N4BP2L2: variants seen among roughly 807,000 people sequenced by gnomAD.
N4BP2L2 encodes NEDD4 binding protein 2 like 2.
In N4BP2L2, 50 loss-of-function variants were observed where a neutral mutation model predicts 56.2. That is an observed-to-expected ratio of 0.89 (90% confidence interval 0.71 to 1.13). The LOEUF is 1.13. Among genes scored for constraint, N4BP2L2 ranks in the 50% most tolerant of loss-of-function variants. The probability of loss-of-function intolerance (pLI) is 0.00; values close to 1 mark genes in which losing one functional copy is unlikely to be tolerated. For missense variants in N4BP2L2, 689 were observed against 693.8 expected, an observed-to-expected ratio of 0.99 and a Z score of 0.08; for synonymous variants, 203 against 223.6, an observed-to-expected ratio of 0.91 and a Z score of 0.82.
chr13:32,472,148 G>A (rs144395230), intron 6 of N4BP2L2, among the ~76,000 whole-genome samples: 166 of 152,248 alleles, frequency 1.1e-3, no homozygotes, highest in Non-Finnish European at 1.8e-3. Flanking sequence ...ACATCGTAAA[G>A]AGCGGATTAA....
rs1382250355 is a variant in N4BP2L2 at position 32,477,235 on chromosome 13, GCT to G, written c.366-33111_366-33110del. 20 of 356,496 alleles carry G rather than the reference GCT, an allele frequency of 5.6e-5. No individual in the cohort carries two copies. The Admixed American group carries it at 6.9e-4, about 12-fold the overall frequency. The allele number at this position is 356,496 out of a possible 1,614,324, so 22.1% of individuals were successfully genotyped here. A position where few individuals can be genotyped will look rare whatever the true frequency, so the allele number is the denominator to read the frequency against. Reference sequence around the variant, plus strand: ...ATGCCCTGGCTATGAACTATGCAAGGCTTACAAGGGCTAAAAGGCTGCACCAT... The same window carrying G: ...ATGCCCTGGCTATGAACTATGCAAGGTACAAGGGCTAAAAGGCTGCACCAT... On this transcript the variant is annotated intron_variant, in intron 6 of 9. Transcript: ENST00000357505.
exon 2 of N4BP2L2, chr13:32,536,968 C>T: frequency 6.2e-7 from 1 of 1,612,216 alleles, no homozygotes; most frequent in Non-Finnish European, 8.5e-7. Context: ...TACAGCGTGG[C>T]TCACTCGTTA....
chr13:32,436,697 G>C (rs1223766284), intron 8 of N4BP2L2, among the ~76,000 whole-genome samples: 1 of 147,062 alleles, frequency 6.8e-6, no homozygotes, highest in African/African-American at 2.5e-5. Flanking sequence ...GGCTGAGGCA[G>C]GAGAATCACC....
chr13:32,515,356 T>G (rs925155009), exon 6 of N4BP2L2: 1 of 152,152 alleles, frequency 6.6e-6, no homozygotes, highest in African/African-American at 2.4e-5. Flanking sequence ...AAGGAGGACC[T>G]CTTGAGCCTA....
At chr13:32,509,821 T>C (rs1024744567), downstream of N4BP2L2, among the ~76,000 whole-genome samples, 2 of 152,164 alleles carry the variant, frequency 1.3e-5, no homozygotes, top group East Asian at 3.8e-4. Context: ...AACTTTTCTA[T>C]TCTAAACAAA....
intron 3 of N4BP2L2, chr13:32,522,831 C>T (rs964706100): frequency 3.9e-5 from 6 of 151,904 alleles, no homozygotes; most frequent in South Asian, 4.2e-4. Flanking sequence ...GGAAAGTTAC[C>T]GCAGATGATT....
At chr13:32,443,905 A>G in exon 7 of N4BP2L2, 1 of 1,573,700 alleles carries the variant, frequency 6.4e-7, no homozygotes, top group Non-Finnish European at 8.6e-7. Context: ...TTCATTTTGT[A>G]GACCATCAAT....
chr13:32,533,008 A>G (rs2055397250), intron 2 of N4BP2L2, among the ~76,000 whole-genome samples: 1 of 151,980 alleles, frequency 6.6e-6, no homozygotes, highest in African/African-American at 2.4e-5. Flanking sequence ...TACAGGTGTA[A>G]GCCACCACAC....
chr13:32,493,578 G>A (rs1037884993), intron 6 of N4BP2L2, among the ~76,000 whole-genome samples: 2 of 151,796 alleles, frequency 1.3e-5, no homozygotes, highest in East Asian at 1.9e-4. Flanking sequence ...GAGTCCCCCC[G>A]CCCCTCAAGA....
chr13:32,499,290 T>C (rs1472410791), intron 6 of N4BP2L2, among the ~76,000 whole-genome samples: 12 of 152,194 alleles, frequency 7.9e-5, no homozygotes, highest in Admixed American at 7.9e-4. Flanking sequence ...ATTTTACTAC[T>C]TCTTCTCACT....
At position 32,538,604 on chromosome 13, in the gene N4BP2L2, G is replaced by T; in HGVS notation, c.-1+14C>A. The T allele has an allele frequency of 1.0e-6, 1 of 984,884 alleles. No individual in the cohort carries two copies. The highest frequency in any genetic ancestry group is 1.2e-6 in the Non-Finnish European group (1 of 829,502). The allele number at this position is 984,884 out of a possible 1,614,324, so 61.0% of individuals were successfully genotyped here. A position where few individuals can be genotyped will look rare whatever the true frequency, so the allele number is the denominator to read the frequency against. ...CACCGCCCCACCCTCACCTAAAACG[G>T]GGTGTCTACTCACCTTACTCTACCC... On this transcript the variant is annotated intron_variant, in intron 1 of 5. Transcript: ENST00000267068.
At chr13:32,471,137 G>T (rs1387342928) in intron 6 of N4BP2L2, among the ~76,000 whole-genome samples, 1 of 152,168 alleles carries the variant, frequency 6.6e-6, no homozygotes, top group East Asian at 1.9e-4. Flanking sequence ...TAACGGGCCT[G>T]TGTGTCCAGA....
intron 6 of N4BP2L2, among the ~76,000 whole-genome samples, chr13:32,496,628 C>G (rs1216630694): frequency 6.6e-6 from 1 of 152,168 alleles, no homozygotes; most frequent in African/African-American, 2.4e-5. Flanking sequence ...ATCATGCTGA[C>G]TGCTGGAATA....
intron 2 of N4BP2L2, among the ~76,000 whole-genome samples, chr13:32,533,150 A>G (rs150267845): frequency 5.0e-4 from 76 of 152,304 alleles, no homozygotes; most frequent in African/African-American, 1.7e-3. Context: ...TGTCCTTGTT[A>G]TAGTTACATA....
Position 32,444,091 on chromosome 13 carries a change from C to G in N4BP2L2, c.401G>C (p.Ser134Thr), listed in dbSNP as rs199508772. 2.4e-5 allele frequency: 38 copies of G among 1,563,884 alleles called. No individual in the cohort carries two copies. In the African/African-American group the frequency reaches 4.6e-4, roughly 19 times the overall value. Reference sequence around the variant, plus strand: ...TCTGTTCCTCTTCTGTTTGGTTTTGCTGAGCCTATGCCCAGTTTTCTTCAA... The same window carrying G: ...TCTGTTCCTCTTCTGTTTGGTTTTGGTGAGCCTATGCCCAGTTTTCTTCAA... The change falls in exon 7 of 10, where the codon AGC becomes ACC. Residue 134 changes from serine to threonine, a missense_variant. Physicochemically the swap from Ser to Thr is moderately conservative, Grantham distance 58. Coordinates refer to the N4BP2L2 transcript ENST00000357505.
chr13:32,517,428 C>T (rs2049474749), exon 6 of N4BP2L2: 2 of 997,428 alleles, frequency 2.0e-6, no homozygotes, highest in Non-Finnish European at 1.2e-6. Flanking sequence ...AAGGAAAAAC[C>T]GTAAAGTTTT....
chr13:32,513,959 C>T (rs558696377), exon 6 of N4BP2L2: 4 of 152,222 alleles, frequency 2.6e-5, no homozygotes, highest in African/African-American at 7.2e-5. Flanking sequence ...GAAAATCAGA[C>T]ATTTTTGCAA....
At chr13:32,433,765 A>G (rs1204902882) in intron 9 of N4BP2L2, among the ~76,000 whole-genome samples, 3 of 151,286 alleles carry the variant, frequency 2.0e-5, no homozygotes, top group Admixed American at 6.6e-5. Flanking sequence ...TCTCTACTAA[A>G]AATACAAAAA....
At chr13:32,518,234 T>C (rs1018909456) in intron 5 of N4BP2L2, among the ~76,000 whole-genome samples, 3 of 152,202 alleles carry the variant, frequency 2.0e-5, no homozygotes, top group African/African-American at 7.2e-5. Context: ...GTTAATTACA[T>C]CCTTTTCACA....
Sources: gnomAD v4.1 joint callset for allele counts (sites outside exome capture counted in the v4.1 genomes callset) on GRCh38, gnomAD v4.1.1 for gene constraint, MANE v1.5 for transcripts, NCBI Gene and HGNC (gene_info 2026-07-23, HGNC 2026-07-21) for gene names.